PHKG1: variants seen among roughly 807,000 people sequenced by gnomAD.
PHKG1 encodes the protein phosphorylase kinase catalytic subunit gamma 1, also known as phosphorylase b kinase gamma catalytic chain, skeletal muscle/heart isoform.
In PHKG1, 48 loss-of-function variants were observed where a neutral mutation model predicts 50.5. That is an observed-to-expected ratio of 0.95 (90% CI 0.75 to 1.21). The LOEUF (loss-of-function observed/expected upper bound fraction) is 1.21, where lower values mean the gene tolerates loss of function less well. Ranked by LOEUF, PHKG1 falls within the 50% of genes most tolerant of loss-of-function variation. The probability of loss-of-function intolerance (pLI) is 0.00; values close to 1 mark genes in which losing one functional copy is unlikely to be tolerated. For synonymous variants in PHKG1, 204 were observed against 212.8 expected (o/e 0.96, Z 0.36); for missense variants, 487 against 519.5 (o/e 0.94, Z 0.61).
Position 56,088,778 on chromosome 7 carries a change from G to A in PHKG1, c.83+81C>T, listed in dbSNP as rs1156641393. On this transcript the variant is annotated intron_variant, in intron 2 of 9. Transcript: ENST00000297373. ...GGGGATGAAAGTGGCGTTAGTACTCGGGGTGGAGCAGAGCTGGCTGTAGCC... is the reference window on the plus strand; with the variant it reads ...GGGGATGAAAGTGGCGTTAGTACTCAGGGTGGAGCAGAGCTGGCTGTAGCC... The A allele has an allele frequency of 8.4e-5, 76 of 900,694 alleles. 2 individuals carry two copies. In the South Asian group the frequency reaches 8.5e-4, roughly 10 times the overall value. The allele number at this position is 900,694 out of a possible 1,614,324, so 55.8% of individuals were successfully genotyped here.
At chr7:56,092,766 C>T (rs1347020046) in intron 1 of PHKG1, 70 bp downstream of exon 1, 1 of 152,188 alleles carries the variant, frequency 6.6e-6, no homozygotes, top group African/African-American at 2.4e-5. Context: ...TTTCTATCTT[C>T]TCCACCCCCA....
At position 56,081,078 on chromosome 7, in the gene PHKG1, G is replaced by T. The variant is rs1274579243; in HGVS notation, c.1140C>A (p.Leu380=). The T allele has an allele frequency of 1.9e-6, 3 of 1,612,688 alleles. No individual in the cohort carries two copies. The Admixed American group carries it at 5.0e-5, about 27-fold the overall frequency. The change falls in exon 10 of 10, where the codon CTC becomes CTA. Residue 380 remains leucine, a synonymous_variant. Coordinates refer to ENST00000297373, the MANE Select transcript of PHKG1 (RefSeq NM_006213.5). The surrounding 1 kb of genome is among the most constrained non-coding windows in gnomAD (Gnocchi z 4.6). ...LFENTPKAVL[L]SLAEEDY The stretch of plus-strand genomic sequence containing the variant: ...CTCAGTAGTCCTCCTCGGCCAGGGA[G>T]AGGAGCACGGCCTTGGGTGTGTTCT...
In PHKG1 at chr7:56,088,983, G is replaced by A. The variant is rs1326384765; in HGVS notation, c.-34-8C>T. On this transcript the variant is annotated splice_region_variant and splice_polypyrimidine_tract_variant and intron_variant, in intron 1 of 9. Transcript: ENST00000297373. ...AGGGAACTCTGGGTGGCTCTGAGAG[G>A]GGAAAAGAAAGAAGCTGTCAGCCTT... The A allele has an allele frequency of 7.1e-7, 1 of 1,418,028 alleles. No individual in the cohort carries two copies. The allele number at this position is 1,418,028 out of a possible 1,614,324, so 87.8% of individuals were successfully genotyped here.
chr7:56,091,117 G>T (rs890853539), intron 1 of PHKG1, among the ~76,000 whole-genome samples: 1 of 152,200 alleles, frequency 6.6e-6, no homozygotes, highest in African/African-American at 2.4e-5. Context: ...GGAAGGCTGA[G>T]GCAGGAGGAT....
chr7:56,082,797 G>A (rs1796073571), intron 6 of PHKG1, among the ~76,000 whole-genome samples: 1 of 152,048 alleles, frequency 6.6e-6, no homozygotes, highest in Non-Finnish European at 1.5e-5. Context: ...GAACCTGGGA[G>A]AGGACTTACC....
intron 6 of PHKG1, among the ~76,000 whole-genome samples, chr7:56,082,798 A>G (rs1452012629): frequency 6.6e-6 from 1 of 151,874 alleles, no homozygotes; most frequent in Non-Finnish European, 1.5e-5. Flanking sequence ...AACCTGGGAG[A>G]GGACTTACCT....
chr7:56,082,189 G>T lies in PHKG1; in HGVS notation c.612C>A (p.His204Gln), dbSNP rs1477842509. Reference protein sequence around the residue: ...EIIECSMNEDHPGYGKEVDMW... With the variant: ...EIIECSMNEDQPGYGKEVDMW... ...TGTCCACCTCTTTCCCGTAGCCCGG[G>T]TGGTCCTCATTCATGGAGCACTCGA... Residue 204 changes from histidine to glutamine, a missense_variant, in exon 7 of 10, where the codon CAC becomes CAA. By Grantham distance (24) the His-to-Gln change is conservative. Transcript: ENST00000297373. The T allele has an allele frequency of 1.2e-6, 2 of 1,613,980 alleles. No individual in the cohort carries two copies. Among genetic ancestry groups the T allele is most frequent in the Non-Finnish European group, 1.7e-6 (2 of 1,180,004 alleles).
At chr7:56,087,089 C>T (rs1796284517) in intron 3 of PHKG1, 65 bp from the exon 4 acceptor site, 9 of 1,292,540 alleles carry the variant, frequency 7.0e-6, no homozygotes, top group Middle Eastern at 2.4e-4. Context: ...AGCCGGGGCA[C>T]GGGGGTCAGG....
At position 56,088,891 on chromosome 7, in the gene PHKG1, A is replaced by T; in HGVS notation, c.51T>A (p.Tyr17Ter). ...LPDSHSAQDFYENYEPKEILG... is the reference protein window; with the variant it reads ...LPDSHSAQDF ...GGATCTCTTTGGGCTCATAATTCTC[A>T]TAGAAGTCCTGTGCAGAATGAGAGT... Residue 17 changes from tyrosine (Y) to a stop codon, truncating the protein, a stop_gained, in exon 2 of 10, where the codon TAT (tyrosine) becomes TAA (stop). Transcript: ENST00000297373. LOFTEE classifies it high-confidence loss of function. 2 of 1,609,106 alleles carry T rather than the reference A, an allele frequency of 1.2e-6. No individual in the cohort carries two copies. The highest frequency in any genetic ancestry group is 1.7e-6 in the Non-Finnish European group (2 of 1,175,556).
Position 56,083,641 on chromosome 7 carries a change from G to A in PHKG1, c.383+9C>T. On this transcript the variant is annotated intron_variant, in intron 5 of 9. Transcript: ENST00000297373. ...GAGGGAGCGGAGAGAAGGGCAAAGG[G>A]ACCCTCACCTGGTTTCCTTCTCACT... The A allele has an allele frequency of 6.3e-7, 1 of 1,577,478 alleles. No individual in the cohort carries two copies. Among genetic ancestry groups the A allele is most frequent in the Non-Finnish European group, 8.6e-7 (1 of 1,157,858 alleles).
At chr7:56,083,532 G>A in intron 5 of PHKG1, 91 bp from the exon 6 acceptor site, 2 of 1,537,844 alleles carry the variant, frequency 1.3e-6, no homozygotes, top group Non-Finnish European at 1.8e-6. Flanking sequence ...CACACTGCAA[G>A]GGAGCAGCAC....
Position 56,081,928 on chromosome 7 carries a change from C to T in PHKG1, c.757G>A (p.Glu253Lys), listed in dbSNP as rs773165951. 2.4e-5 allele frequency: 39 copies of T among 1,613,542 alleles called. No individual in the cohort carries two copies. Among genetic ancestry groups the T allele is most frequent in the African/African-American group, 5.3e-5 (4 of 74,934 alleles). The change falls in exon 8 of 10, where the codon GAG (glutamate) becomes AAG (lysine). Residue 253 changes from glutamate (E) to lysine (K), a missense_variant. Physicochemically the swap from Glu to Lys is moderately conservative, Grantham distance 56 (BLOSUM62 1). Transcript: ENST00000297373. The surrounding 1 kb of genome is among the most constrained non-coding windows in gnomAD (Gnocchi z 4.6). Reference sequence around the variant, plus strand: ...ACGGTGTCCGAGTAATCATCCCACTCGGGCGAGCCAAACTGGTAGTTGCCG... The same window carrying T: ...ACGGTGTCCGAGTAATCATCCCACTTGGGCGAGCCAAACTGGTAGTTGCCG... ...MSGNYQFGSP[E>K]WDDYSDTVKD...
At chr7:56,083,948 T>A (rs1796140088) in intron 4 of PHKG1, among the ~76,000 whole-genome samples, 1 of 152,148 alleles carries the variant, frequency 6.6e-6, no homozygotes, top group Non-Finnish European at 1.5e-5. Context: ...CAGGCTCTCA[T>A]CAACCCTCCG....
rs767151786 is a variant in PHKG1 at position 56,081,659 on chromosome 7, G to A, written c.889C>T (p.Arg297Trp). ...FFQQYLVEEVRHFSPRGKFKV... is the reference protein window; with the variant it reads ...FFQQYLVEEVWHFSPRGKFKV... The stretch of plus-strand genomic sequence containing the variant: ...AACTTCCCCCGGGGGCTGAAGTGCC[G>A]CACTTCCTCCACCAAGTACTGCTGG... The change falls in exon 9 of 10, where the codon CGG becomes TGG. Residue 297 changes from arginine (R) to tryptophan (W), a missense_variant. Transcript: ENST00000297373. This position sits in a 1 kb window ranked among gnomAD's most constrained non-coding sequence, Gnocchi z 4.6. 4.1e-5 allele frequency: 66 copies of A among 1,613,592 alleles called. No individual in the cohort carries two copies. Among genetic ancestry groups the A allele is most frequent in the Non-Finnish European group, 5.3e-5 (63 of 1,179,948 alleles).
intron 6 of PHKG1, 71 bp downstream of exon 6, chr7:56,083,207 C>G: frequency 7.2e-7 from 1 of 1,387,538 alleles, no homozygotes; most frequent in Non-Finnish European, 1.0e-6. Context: ...GAAACCCAGA[C>G]CATCTCTATT....
rs1348266312 is a variant in PHKG1 at position 56,081,741 on chromosome 7, C to A, written c.807G>T (p.Leu269=). The A allele has an allele frequency of 6.2e-7, 1 of 1,613,664 alleles. No individual in the cohort carries two copies. Among genetic ancestry groups the A allele is most frequent in the Admixed American group, 1.7e-5 (1 of 59,998 alleles). The change falls in exon 9 of 10, where the codon CTG becomes CTT. Residue 269 remains leucine (L), a synonymous_variant. Coordinates refer to ENST00000297373, the MANE Select transcript of PHKG1 (RefSeq NM_006213.5). The surrounding 1 kb of genome is among the most constrained non-coding windows in gnomAD (Gnocchi z 4.6). ...DTVKDLVSRF[L]VVQPQNRYTA... ...TGTAGCGGTTCTGGGGTTGCACCAC[C>A]AGGAATCGGGAGACCTGTGAGAGGA...
intron 4 of PHKG1, chr7:56,084,162 G>A (rs1414047950): frequency 2.7e-5 from 41 of 1,530,248 alleles, no homozygotes; most frequent in Middle Eastern, 1.7e-4. Flanking sequence ...GCCCTGCCCT[G>A]GGCCCTGAAG....
chr7:56,086,728 C>T lies in PHKG1; in HGVS notation c.317+242G>A, dbSNP rs908809926. ...ACTATGCCAGTCACTGTGCTATTAT[C>T]ACTCCCATAATACTGATGAGAAAAC... On this transcript the variant is annotated intron_variant, in intron 4 of 9. Coordinates refer to ENST00000297373, the MANE Select transcript of PHKG1 (RefSeq NM_006213.5). 6.5e-5 allele frequency: 33 copies of T among 507,536 alleles called. No individual in the cohort carries two copies. The Admixed American group carries it at 1.1e-3, about 17-fold the overall frequency. The allele number at this position is 507,536 out of a possible 1,614,324, so 31.4% of individuals were successfully genotyped here.
intron 4 of PHKG1, 67 bp from the exon 5 acceptor site, chr7:56,083,782 G>T: frequency 8.9e-7 from 1 of 1,126,844 alleles, no homozygotes; most frequent in Non-Finnish European, 1.3e-6. Context: ...CCTGCTCCCA[G>T]AGAGCTGCCT....
Sources: gnomAD v4.1 joint callset for allele counts (sites outside exome capture counted in the v4.1 genomes callset) on GRCh38, gnomAD v4.1.1 for gene constraint, Gnocchi (gnomAD v3.1) non-coding constraint, MANE v1.5 for transcripts, NCBI Gene and HGNC (gene_info 2026-07-23, HGNC 2026-07-21) for gene names.